Variants in GRID2 observed in about 807,000 individuals in gnomAD.
GRID2 encodes glutamate receptor ionotropic, delta-2.
GRID2 carries 33 observed loss-of-function variants against 114.8 expected under a neutral mutation model. That is an observed-to-expected ratio of 0.29 (90% CI 0.22 to 0.38). The LOEUF is 0.38. Among genes scored for constraint, GRID2 ranks in the 10% least tolerant of loss-of-function variants. The pLI is 1.00. For missense variants in GRID2, 1,184 were observed against 1,257.7 expected (o/e 0.94, Z 0.89); for synonymous variants, 505 against 449.9 (o/e 1.12, Z -1.55).
chr4:92,969,410 A>G (rs1276136344), intron 2 of GRID2, among the ~76,000 whole-genome samples: 1 of 151,812 alleles, frequency 6.6e-6, no homozygotes, highest in East Asian at 1.9e-4. Context: ...AATAACAATG[A>G]GTTGTGGCAA....
At chr4:92,579,405 G>A (rs1455065237) in intron 1 of GRID2, among the ~76,000 whole-genome samples, 4 of 151,790 alleles carry the variant, frequency 2.6e-5, no homozygotes, top group African/African-American at 9.7e-5. Flanking sequence ...ATGTCTTGGT[G>A]TCAAACTGTC....
intron 2 of GRID2, among the ~76,000 whole-genome samples, chr4:92,939,407 G>T (rs1750922071): frequency 6.8e-6 from 1 of 147,102 alleles, no homozygotes; most frequent in African/African-American, 2.4e-5. Flanking sequence ...CTTTTTGATG[G>T]GGTTGTTTGT....
intron 2 of GRID2, among the ~76,000 whole-genome samples, chr4:93,040,134 G>T (rs1475340692): frequency 6.6e-6 from 1 of 152,056 alleles, no homozygotes; most frequent in Non-Finnish European, 1.5e-5. Context: ...AGGAAGATGT[G>T]TATAGGATAG....
chr4:92,848,447 T>A (rs913861178), intron 2 of GRID2, among the ~76,000 whole-genome samples: 5 of 151,864 alleles, frequency 3.3e-5, no homozygotes, highest in Non-Finnish European at 7.4e-5. Context: ...CCTTATTCCC[T>A]CCTGCTAAAG....
chr4:92,736,099 A>G (rs1382291213), intron 2 of GRID2, among the ~76,000 whole-genome samples: 1 of 152,122 alleles, frequency 6.6e-6, no homozygotes, highest in African/African-American at 2.4e-5. Flanking sequence ...AAATGGAGAG[A>G]TTGCCCCAGA....
At chr4:93,215,938 T>A (rs1744160020) in intron 5 of GRID2, among the ~76,000 whole-genome samples, 1 of 152,006 alleles carries the variant, frequency 6.6e-6, no homozygotes, top group Non-Finnish European at 1.5e-5. Context: ...GTTGTAAAGG[T>A]TCCAAATGAA....
At chr4:93,283,377 T>C (rs992123886) in intron 8 of GRID2, among the ~76,000 whole-genome samples, 20 of 152,078 alleles carry the variant, frequency 1.3e-4, no homozygotes, top group African/African-American at 4.8e-4. Context: ...GATTTATATA[T>C]AATTCTAGCT....
intron 11 of GRID2, among the ~76,000 whole-genome samples, chr4:93,461,389 T>C (rs1338973980): frequency 6.6e-6 from 1 of 152,088 alleles, no homozygotes; most frequent in African/African-American, 2.4e-5. Context: ...GTATAGGCAA[T>C]TGACTTGGAA....
chr4:92,499,771 T>C (rs1441423014), intron 1 of GRID2, among the ~76,000 whole-genome samples: 1 of 152,106 alleles, frequency 6.6e-6, no homozygotes, highest in Non-Finnish European at 1.5e-5. Flanking sequence ...CGCACCACCA[T>C]GCCCAGTTAA....
chr4:92,822,424 G>C (rs1442332887), intron 2 of GRID2: 1 of 544,382 alleles, frequency 1.8e-6, no homozygotes, highest in African/African-American at 1.9e-5. Flanking sequence ...GCTTGTCCCA[G>C]CTACAGAGGT....
chr4:92,832,781 A>G (rs929663778), intron 2 of GRID2, among the ~76,000 whole-genome samples: 3 of 152,068 alleles, frequency 2.0e-5, no homozygotes, highest in Non-Finnish European at 4.4e-5. Flanking sequence ...AGACTCTGTC[A>G]CAATAATAAT....
At chr4:93,322,938 G>A (rs777319803) in intron 8 of GRID2, among the ~76,000 whole-genome samples, 4 of 152,042 alleles carry the variant, frequency 2.6e-5, no homozygotes, top group Non-Finnish European at 5.9e-5. Context: ...TGTAGATTCT[G>A]GATATAAGCC....
chr4:92,872,878 AAT>A (rs1334944099), intron 2 of GRID2, among the ~76,000 whole-genome samples: 1 of 152,216 alleles, frequency 6.6e-6, no homozygotes, highest in Non-Finnish European at 1.5e-5. Context: ...GCTGTTTTGA[AAT>A]AATGCGGTAA....
intron 4 of GRID2, among the ~76,000 whole-genome samples, chr4:93,197,364 A>G (rs1206818790): frequency 6.6e-6 from 1 of 152,076 alleles, no homozygotes; most frequent in Non-Finnish European, 1.5e-5. Flanking sequence ...TTTGTTCCTC[A>G]GTTTCTTCAT....
intron 2 of GRID2, among the ~76,000 whole-genome samples, chr4:92,887,710 A>G (rs568045813): frequency 6.6e-6 from 1 of 152,326 alleles, no homozygotes; most frequent in East Asian, 1.9e-4. Flanking sequence ...TCGCCTGTGT[A>G]TTTTGGATGC....
chr4:93,682,149 A>C (rs1160719609), intron 14 of GRID2, among the ~76,000 whole-genome samples: 2 of 151,098 alleles, frequency 1.3e-5, no homozygotes, highest in South Asian at 4.2e-4. Context: ...TCAAAAGAAG[A>C]CATTTATGCA....
chr4:93,322,778 G>A (rs1757376215), intron 8 of GRID2, among the ~76,000 whole-genome samples: 1 of 152,126 alleles, frequency 6.6e-6, no homozygotes, highest in South Asian at 2.1e-4. Flanking sequence ...GTTTTGATTT[G>A]CATTTCTCTG....
chr4:92,634,762 T>TTC (rs1730981840), intron 2 of GRID2, among the ~76,000 whole-genome samples: 1 of 149,238 alleles, frequency 6.7e-6, no homozygotes, highest in African/African-American at 2.5e-5. Context: ...TTTTTTTTTT[T>TTC]CAGACATTGC....
chr4:93,212,838 T>G (rs913355042), intron 5 of GRID2, among the ~76,000 whole-genome samples: 1 of 151,820 alleles, frequency 6.6e-6, no homozygotes, highest in Non-Finnish European at 1.5e-5. Flanking sequence ...AATGGCGCGA[T>G]CTTGGCTCAC....
Sources: gnomAD v4.1 joint callset for allele counts (sites outside exome capture counted in the v4.1 genomes callset) on GRCh38, gnomAD v4.1.1 for gene constraint, MANE v1.5 for transcripts, NCBI Gene and HGNC (gene_info 2026-07-23, HGNC 2026-07-21) for gene names.